The following LRCH1 variants were observed in gnomAD, a reference collection of about 807,000 sequenced individuals.
LRCH1 encodes the protein leucine-rich repeat and calponin homology domain-containing protein 1.
Under a neutral mutation model 94.9 loss-of-function variants are expected in LRCH1, and 23 were observed. That is an observed-to-expected ratio of 0.24 (90% CI 0.17 to 0.34). The LOEUF is 0.34. Among genes scored for constraint, LRCH1 ranks in the 10% least tolerant of loss-of-function variants. The probability of loss-of-function intolerance (pLI) is 1.00; values close to 1 mark genes in which losing one functional copy is unlikely to be tolerated. For missense variants in LRCH1, 790 were observed against 945.9 expected (o/e 0.84, Z 2.16); for synonymous variants, 364 against 354.9 (o/e 1.03, Z -0.29).
intron 1 of LRCH1, among the ~76,000 whole-genome samples, chr13:46,577,209 A>G (rs2050314076): frequency 6.6e-6 from 1 of 151,930 alleles, no homozygotes; most frequent in Non-Finnish European, 1.5e-5. Flanking sequence ...TGATCCTCCC[A>G]CCTCAGCCTC....
rs67588975 is a variant in LRCH1, at chr13:46,657,500, C to CTTTTTTT, written c.452+7191_452+7197dup. On this transcript the variant is annotated intron_variant, in intron 2 of 19. Coordinates refer to ENST00000389797, the MANE Select transcript of LRCH1 (RefSeq NM_001164211.2). ...TCATTTTTACTTTTTCTTTTCTTTTCTTTTTTTTTTTTTTTTTTTTTTTTT... is the reference window on the plus strand; with the variant it reads ...TCATTTTTACTTTTTCTTTTCTTTTCTTTTTTTTTTTTTTTTTTTTTTTTTTTTTTTT... 2.0e-3 allele frequency among the ~76,000 whole-genome samples: 23 copies of CTTTTTTT among 11,372 alleles called. 1 individual carries two copies. The highest frequency in any genetic ancestry group is 3.5e-3 in the African/African-American group (11 of 3,168). 7.5% of individuals were successfully genotyped at this position (11,372 alleles called of 152,430 possible). A position where few individuals can be genotyped will look rare whatever the true frequency, so the allele number is the denominator to read the frequency against.
intron 3 of LRCH1, among the ~76,000 whole-genome samples, chr13:46,678,856 C>G (rs764861852): frequency 3.3e-5 from 5 of 152,146 alleles, no homozygotes; most frequent in Non-Finnish European, 7.4e-5. Flanking sequence ...GAGTATAGTT[C>G]ACACTAAAAA....
intron 15 of LRCH1, among the ~76,000 whole-genome samples, chr13:46,713,981 T>A (rs1872196509): frequency 6.6e-6 from 1 of 152,248 alleles, no homozygotes; most frequent in Non-Finnish European, 1.5e-5. Context: ...ATAATATTCT[T>A]TTGAATGTAT....
At chr13:46,563,630 T>G (rs1358552148) in intron 1 of LRCH1, among the ~76,000 whole-genome samples, 1 of 152,228 alleles carries the variant, frequency 6.6e-6, no homozygotes, top group Admixed American at 6.5e-5. Context: ...ATATATGTAT[T>G]AAATGTATGT....
At position 46,685,993 on chromosome 13, in the gene LRCH1, G is replaced by T; in HGVS notation, c.774G>T (p.Leu258=). The change falls in exon 5 of 20, where the codon CTG becomes CTT. Residue 258 remains leucine, a synonymous_variant. Coordinates refer to ENST00000389797, the MANE Select transcript of LRCH1 (RefSeq NM_001164211.2). ...TTTGTTTTAGAGAGATGAAGCAGCT[G>T]CAAGTGTTACTACTTGAGAATAACC... ...IPICFREMKQ[L]QVLLLENNPL... is the part of the protein sequence containing the mutation. The T allele has an allele frequency of 6.2e-7, 1 of 1,610,156 alleles. No individual in the cohort carries two copies. Among genetic ancestry groups the T allele is most frequent in the East Asian group, 2.2e-5 (1 of 44,762 alleles).
chr13:46,664,117 C>G (rs2051484130), intron 2 of LRCH1, among the ~76,000 whole-genome samples: 1 of 152,182 alleles, frequency 6.6e-6, no homozygotes, highest in South Asian at 2.1e-4. Context: ...CAGCCTGATT[C>G]ACCCTGGCAT....
chr13:46,605,671 A>G (rs1223810919), intron 1 of LRCH1, among the ~76,000 whole-genome samples: 1 of 152,216 alleles, frequency 6.6e-6, no homozygotes, highest in Non-Finnish European at 1.5e-5. Flanking sequence ...ATATCCTGAT[A>G]GGGAGAAGTT....
Position 46,692,566 on chromosome 13 carries a change from G to T in LRCH1, c.1045G>T (p.Val349Leu). Residue 349 changes from valine (V) to leucine (L), a missense_variant, in exon 8 of 20, where the codon GTG becomes TTG. Physicochemically the swap from Val to Leu is conservative, Grantham distance 32. This residue lies in a region of LRCH1 where 194 missense variants were observed against 293.5 expected (regional missense o/e 0.66). Transcript: ENST00000389797. Reference protein sequence around the residue: ...PSDEDTVSLNVPMSNIMEEEQ... With the variant: ...PSDEDTVSLNLPMSNIMEEEQ... ...TGACGAAGACACTGTTAGCCTCAAT[G>T]TGCCAATGTCAAACATCATGGAAGA... 1 of 1,614,030 alleles carries T rather than the reference G, an allele frequency of 6.2e-7. No individual in the cohort carries two copies. Among genetic ancestry groups the T allele is most frequent in the Non-Finnish European group, 8.5e-7 (1 of 1,179,932 alleles).
intron 1 of LRCH1, among the ~76,000 whole-genome samples, chr13:46,596,202 T>A (rs1383323529): frequency 6.6e-6 from 1 of 152,212 alleles, no homozygotes; most frequent in Non-Finnish European, 1.5e-5. Context: ...TGCTTATCTC[T>A]TCTAATAGAT....
chr13:46,726,108 T>C (rs1355852362), intron 17 of LRCH1, among the ~76,000 whole-genome samples: 1 of 152,222 alleles, frequency 6.6e-6, no homozygotes, highest in Non-Finnish European at 1.5e-5. Context: ...ACGCTGTGAT[T>C]CAGTTAAAAG....
At chr13:46,639,776 C>A (rs887566420) in intron 1 of LRCH1, among the ~76,000 whole-genome samples, 51 of 152,166 alleles carry the variant, frequency 3.4e-4, no homozygotes, top group African/African-American at 1.2e-3. Context: ...TGCCAGGAAG[C>A]CCTTTGGGCT....
At position 46,701,150 on chromosome 13, in the gene LRCH1, A is replaced by G. The variant is rs201563944; in HGVS notation, c.1343A>G (p.Asp448Gly). The G allele has an allele frequency of 2.5e-6, 4 of 1,613,580 alleles. No individual in the cohort carries two copies. Among genetic ancestry groups the G allele is most frequent in the African/African-American group, 1.3e-5 (1 of 74,914 alleles). The stretch of plus-strand genomic sequence containing the variant: ...AGTTCATCCAAAGATCAGGACATGG[A>G]TATAGCAATGATCGAGCAGCTGAGA... Reference protein sequence around the residue: ...IISSSKDQDMDIAMIEQLREA... With the variant: ...IISSSKDQDMGIAMIEQLREA... The change falls in exon 11 of 20, where the codon GAT (aspartate) becomes GGT (glycine). Residue 448 changes from aspartate to glycine, a missense_variant. By Grantham distance (94) the Asp-to-Gly change is moderately conservative. This residue lies in a region of LRCH1 where 460 missense variants were observed against 508.9 expected (regional missense o/e 0.90). Transcript: ENST00000389797.
downstream of LRCH1, among the ~76,000 whole-genome samples, chr13:46,749,472 T>C (rs1456971363): frequency 2.6e-5 from 4 of 152,178 alleles, no homozygotes; most frequent in Non-Finnish European, 5.9e-5. Context: ...TGAAAATTGA[T>C]AAAAGACTCT....
At chr13:46,655,568 A>T (rs766592508) in intron 2 of LRCH1, among the ~76,000 whole-genome samples, 26 of 152,232 alleles carry the variant, frequency 1.7e-4, no homozygotes, top group Non-Finnish European at 3.2e-4. Flanking sequence ...ATTAAGCAAG[A>T]TTTGTTCCTA....
intron 1 of LRCH1, among the ~76,000 whole-genome samples, chr13:46,603,723 CTT>C (rs2050656640): frequency 6.6e-6 from 1 of 152,194 alleles, no homozygotes; most frequent in Non-Finnish European, 1.5e-5. Context: ...GGGGACTGAT[CTT>C]GGCTTACTGC....
At chr13:46,692,767 G>A (rs1870969271) in intron 8 of LRCH1, 126 bp downstream of exon 8, 2 of 655,604 alleles carry the variant, frequency 3.1e-6, no homozygotes, top group African/African-American at 1.8e-5. Context: ...CAGGTACTGT[G>A]TTCTTCTGGG....
At chr13:46,700,277 A>C (rs990274280) in intron 10 of LRCH1, among the ~76,000 whole-genome samples, 1 of 152,094 alleles carries the variant, frequency 6.6e-6, no homozygotes, top group African/African-American at 2.4e-5. Flanking sequence ...CCCATTGTTA[A>C]AACTTTTCTC....
chr13:46,693,998 G>A (rs1340111372), intron 8 of LRCH1, among the ~76,000 whole-genome samples: 1 of 152,082 alleles, frequency 6.6e-6, no homozygotes, highest in African/African-American at 2.4e-5. Context: ...TAGCATTTCT[G>A]TTTACCTGAG....
chr13:46,604,904 G>A (rs976073882), intron 1 of LRCH1, among the ~76,000 whole-genome samples: 9 of 152,166 alleles, frequency 5.9e-5, no homozygotes, highest in African/African-American at 2.2e-4. Context: ...CTGGGGCATC[G>A]GAGAATGTTC....
Sources: gnomAD v4.1 joint callset for allele counts (sites outside exome capture counted in the v4.1 genomes callset) on GRCh38, gnomAD v4.1.1 for gene constraint, gnomAD v4.1.1 regional missense constraint, MANE v1.5 for transcripts, NCBI Gene and HGNC (gene_info 2026-07-23, HGNC 2026-07-21) for gene names.